Variants in LRRC31 observed in about 807,000 individuals in gnomAD.
The protein encoded by LRRC31 is leucine rich repeat containing 31.
Under a neutral mutation model 46.7 loss-of-function variants are expected in LRRC31, and 35 were observed. The ratio of observed to expected loss-of-function variants is 0.75; its 90% CI spans 0.57 to 0.99. The LOEUF is 0.99. LRRC31 is among the 50% of genes least tolerant of loss of function. LRRC31 has a pLI of 0.00. For synonymous variants in LRRC31, 236 were observed against 235.1 expected, an observed-to-expected ratio of 1.00 and a Z score of -0.03; for missense variants, 613 against 626.1, an observed-to-expected ratio of 0.98 and a Z score of 0.22.
chr3:169,851,541 G>C (rs1466785417), intron 7 of LRRC31, 78 bp downstream of exon 7: 1 of 1,409,932 alleles, frequency 7.1e-7, no homozygotes, highest in Non-Finnish European at 9.7e-7. Context: ...GCTGAGCCTT[G>C]GAATGAAATG....
chr3:169,852,425 A>G (rs1394555924), intron 6 of LRRC31, among the ~76,000 whole-genome samples: 1 of 148,552 alleles, frequency 6.7e-6, no homozygotes, highest in African/African-American at 2.5e-5. Flanking sequence ...AAAAAAAAAA[A>G]AAAAAACTCT....
chr3:169,841,110 T>C (rs545191771), intron 8 of LRRC31, among the ~76,000 whole-genome samples: 2 of 152,350 alleles, frequency 1.3e-5, no homozygotes, highest in African/African-American at 4.8e-5. Context: ...ACAGCCTCTC[T>C]ACTCATGACC....
Position 169,840,228 on chromosome 3 carries a change from G to A in LRRC31, c.1413C>T (p.Thr471=). ...GGAACCGCACGTTTTGGCAGAACAT[G>A]GTCCACCCCGCATCACAGATGCTGT... ...YNDSICDAGW[T]MFCQNVRFLK... The change falls in exon 9 of 9, where the codon ACC becomes ACT. Residue 471 remains threonine (T), a synonymous_variant. Coordinates refer to ENST00000316428, the MANE Select transcript of LRRC31 (RefSeq NM_024727.4). The A allele has an allele frequency of 6.2e-7, 1 of 1,614,064 alleles. No individual in the cohort carries two copies. Among genetic ancestry groups the A allele is most frequent in the East Asian group, 2.2e-5 (1 of 44,884 alleles).
intron 8 of LRRC31, among the ~76,000 whole-genome samples, chr3:169,845,406 C>T (rs1312739666): frequency 6.6e-6 from 1 of 152,060 alleles, no homozygotes; most frequent in Non-Finnish European, 1.5e-5. Flanking sequence ...ATAACCAAAA[C>T]AATTTTGAAA....
At chr3:169,851,219 G>A (rs1452134705) in intron 7 of LRRC31, among the ~76,000 whole-genome samples, 1 of 151,974 alleles carries the variant, frequency 6.6e-6, no homozygotes, top group Non-Finnish European at 1.5e-5. Flanking sequence ...TTGAGACCAG[G>A]CTGGACAACA....
chr3:169,858,117 A>C (rs889983739), intron 3 of LRRC31, among the ~76,000 whole-genome samples: 4 of 152,212 alleles, frequency 2.6e-5, no homozygotes, highest in African/African-American at 9.7e-5. Context: ...TTATCAAGAA[A>C]CCATTTATTT....
At chr3:169,840,459 C>T in intron 8 of LRRC31, 146 bp from the exon 9 acceptor site, 4 of 843,448 alleles carry the variant, frequency 4.7e-6, no homozygotes, top group African/African-American at 1.7e-5. Context: ...TTATTCAGGA[C>T]ATCTGAAATT....
At chr3:169,850,730 T>C (rs1336607407) in intron 7 of LRRC31, among the ~76,000 whole-genome samples, 2 of 152,146 alleles carry the variant, frequency 1.3e-5, no homozygotes, top group Non-Finnish European at 2.9e-5. Context: ...AATTGGTGAA[T>C]GCATGTAAAG....
chr3:169,865,571 G>A (rs1202378400), intron 1 of LRRC31, among the ~76,000 whole-genome samples: 1 of 152,178 alleles, frequency 6.6e-6, no homozygotes, highest in Non-Finnish European at 1.5e-5. Flanking sequence ...AACATGGGTG[G>A]TACTGTACCA....
At position 169,856,388 on chromosome 3, in the gene LRRC31, T is replaced by G; in HGVS notation, c.771A>C (p.Lys257Asn). Residue 257 changes from lysine (K) to asparagine (N), a missense_variant, in exon 5 of 9, where the codon AAA (lysine) becomes AAC (asparagine). Transcript: ENST00000316428. The stretch of plus-strand genomic sequence containing the variant: ...ATCCACATGAATGTAACTTCAGTAC[T>G]TTCAGATTTGAGGTGCTTTTTAATC... ...AQGLKSTSNL[K>N]VLKLHSCGLS... The G allele has an allele frequency of 6.2e-7, 1 of 1,604,470 alleles. No individual in the cohort carries two copies. Among genetic ancestry groups the G allele is most frequent in the East Asian group, 2.3e-5 (1 of 44,120 alleles).
chr3:169,861,763 C>A lies in LRRC31; in HGVS notation c.226G>T (p.Glu76Ter). The A allele has an allele frequency of 1.2e-6, 2 of 1,614,152 alleles. No individual in the cohort carries two copies. The highest frequency in any genetic ancestry group is 1.7e-6 in the Non-Finnish European group (2 of 1,180,006). The change falls in exon 2 of 9, where the codon GAG (glutamate) becomes TAG (stop). Residue 76 changes from glutamate (E) to a stop codon, truncating the protein, a stop_gained. Transcript: ENST00000316428. LOFTEE classifies it high-confidence loss of function. ...TTGCCCAGCTTCTGCAGGAAATGCT[C>A]ATTTTTCTCCATACTGGATCTCCAT... ...MEWRSSMEKN[E>*]HFLQKLGKKA...
At chr3:169,852,077 A>T (rs1241952116) in intron 6 of LRRC31, among the ~76,000 whole-genome samples, 2 of 152,076 alleles carry the variant, frequency 1.3e-5, no homozygotes, top group Non-Finnish European at 2.9e-5. Flanking sequence ...AACGTCTCTG[A>T]ACCTTAGCCT....
intron 1 of LRRC31, among the ~76,000 whole-genome samples, chr3:169,864,509 C>T (rs1432896219): frequency 1.3e-5 from 2 of 152,154 alleles, no homozygotes; most frequent in African/African-American, 2.4e-5. Flanking sequence ...CTATGAAATG[C>T]CTGGTTCATT....
chr3:169,865,138 G>C (rs937683236), intron 1 of LRRC31, among the ~76,000 whole-genome samples: 4 of 150,140 alleles, frequency 2.7e-5, no homozygotes, highest in African/African-American at 4.9e-5. Flanking sequence ...TGTAGTCCCA[G>C]CTAGTAGGGG....
At chr3:169,844,656 G>C (rs1346518099) in intron 8 of LRRC31, among the ~76,000 whole-genome samples, 1 of 152,110 alleles carries the variant, frequency 6.6e-6, no homozygotes, top group Non-Finnish European at 1.5e-5. Flanking sequence ...TCTCTAGGCC[G>C]GGCACAGTGG....
At chr3:169,861,955 T>C in intron 1 of LRRC31, 142 bp from the exon 2 acceptor site, 4 of 856,348 alleles carry the variant, frequency 4.7e-6, no homozygotes, top group Non-Finnish European at 7.1e-6. Flanking sequence ...GCAGAGCCAT[T>C]TACTAGGGAC....
rs554401989 is a variant in LRRC31, at chr3:169,851,849, T to C, written c.992-63A>G. ...ATCTCACAGGGAGTCTTCTGGGTGT[T>C]TGGTTCCCACAATCTGTTTAATCTG... is the stretch of plus-strand genomic sequence containing the variant. On this transcript the variant is annotated intron_variant, in intron 6 of 8. Coordinates refer to ENST00000316428, the MANE Select transcript of LRRC31 (RefSeq NM_024727.4). The C allele has an allele frequency of 3.9e-6, 6 of 1,533,596 alleles. No individual in the cohort carries two copies. The African/African-American group carries it at 8.2e-5, about 21-fold the overall frequency. The allele number at this position is 1,533,596 out of a possible 1,614,324, so 95.0% of individuals were successfully genotyped here. A position where few individuals can be genotyped will look rare whatever the true frequency, so the allele number is the denominator to read the frequency against.
intron 7 of LRRC31, among the ~76,000 whole-genome samples, chr3:169,850,274 G>C (rs1241652748): frequency 1.3e-5 from 2 of 152,184 alleles, no homozygotes; most frequent in Non-Finnish European, 1.5e-5. Flanking sequence ...TTTTCGGCCT[G>C]AGTATTTGGC....
At chr3:169,867,149 C>A (rs1305840312) in intron 1 of LRRC31, among the ~76,000 whole-genome samples, 1 of 148,852 alleles carries the variant, frequency 6.7e-6, no homozygotes, top group East Asian at 2.0e-4. Flanking sequence ...CTCTAAAATT[C>A]AAGCGATCCT....
Sources: allele counts gnomAD v4.1 joint callset (sites outside exome capture counted in the v4.1 genomes callset), GRCh38; gene constraint gnomAD v4.1.1; transcripts MANE v1.5; gene names NCBI Gene and HGNC (gene_info 2026-07-23, HGNC 2026-07-21).